The following STXBP3 variants were observed in gnomAD, a reference collection of about 807,000 sequenced individuals.
STXBP3 encodes the protein syntaxin-binding protein 3.
Under a neutral mutation model 85.7 loss-of-function variants are expected in STXBP3, and 41 were observed. That is an observed-to-expected ratio of 0.48 (90% CI 0.37 to 0.62). The LOEUF is 0.62. Among genes scored for constraint, STXBP3 ranks in the 20% least tolerant of loss-of-function variants. STXBP3 has a pLI of 0.00. For missense variants in STXBP3, 563 were observed against 703.1 expected (o/e 0.80, Z 2.25); for synonymous variants, 229 against 231.7 (o/e 0.99, Z 0.10).
chr1:108,796,728 TAAG>T lies in STXBP3; in HGVS notation c.1356+6_1356+8del. ...CTTGGTGTTCCCATTGTTCCCCAAG[TAAG>T]AAGTCTTATGTTGTGTATATACTTT... On this transcript the variant is annotated splice_donor_5th_base_variant and intron_variant, in intron 15 of 18. Transcript: ENST00000370008. 2 of 1,611,446 alleles carry T rather than the reference TAAG, an allele frequency of 1.2e-6. No individual in the cohort carries two copies. Among genetic ancestry groups the T allele is most frequent in the East Asian group, 4.5e-5 (2 of 44,752 alleles).
intron 10 of STXBP3, 27 bp from the exon 11 acceptor site, chr1:108,782,622 T>G (rs1662739724): frequency 7.5e-6 from 12 of 1,601,770 alleles, no homozygotes; most frequent in Non-Finnish European, 9.4e-6. Flanking sequence ...TCTTAGAAAT[T>G]TAAAGAATTC....
rs551758274 is a variant in STXBP3, at chr1:108,796,538, C to A, written c.1250-82C>A. On this transcript the variant is annotated intron_variant, in intron 14 of 18. Coordinates refer to ENST00000370008, the MANE Select transcript of STXBP3 (RefSeq NM_007269.4). ...TGACTGTTTTTTATTTTAAAAGCTT[C>A]ATTCATGGGTACTACCTAAAGCCTT... 1.3e-4 allele frequency: 167 copies of A among 1,291,910 alleles called. 1 individual carries two copies. In the South Asian group the frequency reaches 2.0e-3, roughly 16 times the overall value. 80.0% of individuals were successfully genotyped at this position (1,291,910 alleles called of 1,614,324 possible).
intron 6 of STXBP3, among the ~76,000 whole-genome samples, chr1:108,760,798 G>T (rs1445870440): frequency 1.3e-5 from 2 of 152,186 alleles, no homozygotes; most frequent in Non-Finnish European, 2.9e-5. Flanking sequence ...AATTGAAATA[G>T]TTGACTGTTG....
chr1:108,803,559 G>A (rs1249329400), intron 17 of STXBP3, among the ~76,000 whole-genome samples: 2 of 152,082 alleles, frequency 1.3e-5, no homozygotes, highest in African/African-American at 4.8e-5. Context: ...CACGATCTCG[G>A]CTCACTACAA....
At chr1:108,777,378 C>T (rs1401860407) in intron 8 of STXBP3, among the ~76,000 whole-genome samples, 1 of 152,046 alleles carries the variant, frequency 6.6e-6, no homozygotes, top group Admixed American at 6.6e-5. Flanking sequence ...AAACAGGATT[C>T]TTCAGGTAGA....
intron 16 of STXBP3, among the ~76,000 whole-genome samples, chr1:108,798,646 C>A (rs1326771181): frequency 1.3e-5 from 2 of 152,062 alleles, no homozygotes; most frequent in Non-Finnish European, 2.9e-5. Flanking sequence ...GAACTCCTGA[C>A]CTCATGATCC....
intron 7 of STXBP3, among the ~76,000 whole-genome samples, chr1:108,774,879 A>G (rs955790696): frequency 6.6e-6 from 1 of 152,036 alleles, no homozygotes; most frequent in African/African-American, 2.4e-5. Context: ...GTTCAGGGAA[A>G]TGAGTAAATA....
At chr1:108,760,882 A>G (rs571767235) in intron 6 of STXBP3, among the ~76,000 whole-genome samples, 1 of 151,954 alleles carries the variant, frequency 6.6e-6, no homozygotes, top group African/African-American at 2.4e-5. Flanking sequence ...TACTTTTAAG[A>G]TACTGCTGGG....
chr1:108,765,590 T>TC, intron 6 of STXBP3, among the ~76,000 whole-genome samples: 1 of 132,926 alleles, frequency 7.5e-6, no homozygotes, highest in Non-Finnish European at 1.6e-5. Context: ...TTTTTTTTTT[T>TC]TTGAGACGGA....
chr1:108,747,149 A>ACTCTTCTCCGCTC (rs1557797309), intron 1 of STXBP3, among the ~76,000 whole-genome samples: 1 of 22,058 alleles, frequency 4.5e-5, no homozygotes, highest in African/African-American at 1.5e-4. Flanking sequence ...TCCGCGCTCC[A>ACTCTTCTCCGCTC]CCAGTTGGGG....
At chr1:108,772,943 C>A in intron 7 of STXBP3, 124 bp downstream of exon 7, 1 of 897,004 alleles carries the variant, frequency 1.1e-6, no homozygotes, top group Non-Finnish European at 1.5e-6. Flanking sequence ...GATTACCATG[C>A]TCTACATATA....
intron 11 of STXBP3, among the ~76,000 whole-genome samples, chr1:108,791,580 C>A (rs1158989820): frequency 2.0e-5 from 3 of 151,882 alleles, no homozygotes; most frequent in South Asian, 4.2e-4. Context: ...TCTCTATTAA[C>A]CTGACTTTGA....
At chr1:108,779,635 T>C (rs1172778381) in intron 9 of STXBP3, 3 of 354,764 alleles carry the variant, frequency 8.5e-6, no homozygotes, top group African/African-American at 6.3e-5. Context: ...GTGTGTTTGC[T>C]TCCTTAACTG....
intron 6 of STXBP3, among the ~76,000 whole-genome samples, chr1:108,760,705 A>C (rs920923159): frequency 1.3e-5 from 2 of 152,152 alleles, no homozygotes; most frequent in African/African-American, 2.4e-5. Flanking sequence ...GAGGTTAAGT[A>C]CCTTGCCTCA....
intron 6 of STXBP3, among the ~76,000 whole-genome samples, chr1:108,761,006 C>A (rs1217199180): frequency 6.6e-6 from 1 of 152,052 alleles, no homozygotes; most frequent in African/African-American, 2.4e-5. Flanking sequence ...CAAGTTCAAG[C>A]GATTCTCCTG....
chr1:108,798,613 A>G (rs1163887174), intron 16 of STXBP3, among the ~76,000 whole-genome samples: 9 of 151,720 alleles, frequency 5.9e-5, no homozygotes. Context: ...ACAGGGTTTC[A>G]CTATGTTGGC....
intron 11 of STXBP3, among the ~76,000 whole-genome samples, chr1:108,783,367 C>T (rs1377492783): frequency 6.6e-6 from 1 of 152,026 alleles, no homozygotes; most frequent in East Asian, 1.9e-4. Flanking sequence ...CAGAATATTC[C>T]CTCTTGTCCT....
chr1:108,771,618 ATCTATATATCATATATAAATATATAT>A (rs1450178287), intron 6 of STXBP3, among the ~76,000 whole-genome samples: 25 of 67,742 alleles, frequency 3.7e-4, no homozygotes, highest in South Asian at 2.5e-3. Flanking sequence ...TATGATATAT[ATCTATATATCATATATAAATATATAT>A]GATATATATC....
At chr1:108,804,620 G>T (rs1199955442) in intron 17 of STXBP3, among the ~76,000 whole-genome samples, 1 of 152,098 alleles carries the variant, frequency 6.6e-6, no homozygotes, top group East Asian at 1.9e-4. Context: ...ATCCCTTCAG[G>T]CAGGTTTTGC....
Sources: allele counts gnomAD v4.1 joint callset (sites outside exome capture counted in the v4.1 genomes callset), GRCh38; gene constraint gnomAD v4.1.1; transcripts MANE v1.5; gene names NCBI Gene and HGNC (gene_info 2026-07-23, HGNC 2026-07-21).